The following NCKAP5 variants were observed in gnomAD, a reference collection of about 807,000 sequenced individuals.
NCKAP5 encodes the protein nck-associated protein 5.
Under a neutral mutation model 167.0 loss-of-function variants are expected in NCKAP5, and 92 were observed. The observed-to-expected ratio is 0.55, with a 90% CI of 0.47 to 0.66. The LOEUF (loss-of-function observed/expected upper bound fraction) is 0.66. NCKAP5 is among the 30% of genes least tolerant of loss of function. The pLI is 0.00. For missense variants in NCKAP5, 2,378 were observed against 2,315.0 expected (o/e 1.03, Z -0.56); for synonymous variants, 891 against 877.4 (o/e 1.02, Z -0.27).
chr2:133,594,775 T>C, the NCKAP5 span, among the ~76,000 whole-genome samples: 1 of 152,172 alleles, frequency 6.6e-6, no homozygotes, highest in Non-Finnish European at 1.5e-5. Flanking sequence ...AAAAACAATA[T>C]AGTTACTTTA....
intron 5 of NCKAP5, among the ~76,000 whole-genome samples, chr2:133,174,889 C>T (rs1044481187): frequency 6.6e-6 from 1 of 152,012 alleles, no homozygotes; most frequent in South Asian, 2.1e-4. Flanking sequence ...GAGGGTAGAT[C>T]CCTAAACCGA....
At chr2:133,582,987 C>A in the NCKAP5 span, among the ~76,000 whole-genome samples, 28 of 152,290 alleles carry the variant, frequency 1.8e-4, no homozygotes, top group Non-Finnish European at 2.1e-4. Flanking sequence ...CATGTTGACC[C>A]AGGCATCTTT....
At chr2:133,622,949 A>G in the NCKAP5 span, among the ~76,000 whole-genome samples, 1 of 151,504 alleles carries the variant, frequency 6.6e-6, no homozygotes, top group Non-Finnish European at 1.5e-5. Flanking sequence ...GTATAAAAAT[A>G]GGCACATAGA....
intron 5 of NCKAP5, among the ~76,000 whole-genome samples, chr2:133,206,227 A>T (rs1335462505): frequency 1.3e-5 from 2 of 152,206 alleles, no homozygotes; most frequent in Non-Finnish European, 2.9e-5. Context: ...TTTTTTAAAA[A>T]AATTATAAAC....
rs1170247644 is a variant in NCKAP5, at chr2:132,765,308, CTT to C, written c.5128+8506_5128+8507del. Among the ~76,000 whole-genome samples the C allele has an allele frequency of 5.4e-3, 614 of 114,276 alleles. 1 individual carries two copies. The highest frequency in any genetic ancestry group is 0.019 in the African/African-American group (560 of 28,994). 75.0% of individuals were successfully genotyped at this position (114,276 alleles called of 152,430 possible). A position where few individuals can be genotyped will look rare whatever the true frequency, so the allele number is the denominator to read the frequency against. On this transcript the variant is annotated intron_variant, in intron 16 of 19. Coordinates refer to ENST00000409261, the MANE Select transcript of NCKAP5 (RefSeq NM_207363.3). ...TGTTTTCCTATGGATTTCTTTCTTT[CTT>C]TTTTTTTTTTTTTTTTTTTGAGACG... is the stretch of plus-strand genomic sequence containing the variant.
chr2:132,679,912 G>C (rs1251119970), intron 19 of NCKAP5, among the ~76,000 whole-genome samples: 1 of 152,102 alleles, frequency 6.6e-6, no homozygotes, highest in East Asian at 1.9e-4. Flanking sequence ...TATTTGCGAA[G>C]GGCAGGCCAA....
At chr2:133,218,124 T>G (rs1333499717) in intron 4 of NCKAP5, among the ~76,000 whole-genome samples, 3 of 152,134 alleles carry the variant, frequency 2.0e-5, no homozygotes, top group African/African-American at 4.8e-5. Flanking sequence ...TCTATTGATA[T>G]TTATGACATA....
chr2:132,887,848 C>T (rs1433173996), intron 8 of NCKAP5, among the ~76,000 whole-genome samples: 1 of 152,106 alleles, frequency 6.6e-6, no homozygotes, highest in Non-Finnish European at 1.5e-5. Flanking sequence ...TAAGGTATTG[C>T]TATGTTGTCC....
chr2:133,174,936 A>G (rs1268630075), intron 5 of NCKAP5, among the ~76,000 whole-genome samples: 2 of 152,244 alleles, frequency 1.3e-5, no homozygotes, highest in African/African-American at 4.8e-5. Context: ...ATCTTGTTAG[A>G]TGTGACTAAA....
intron 8 of NCKAP5, among the ~76,000 whole-genome samples, chr2:132,901,176 A>G (rs960756329): frequency 6.6e-6 from 1 of 152,184 alleles, no homozygotes; most frequent in Non-Finnish European, 1.5e-5. Flanking sequence ...AAGTGGTAGA[A>G]TCTGTGCCCA....
At chr2:133,388,509 G>A (rs1294809054) in intron 3 of NCKAP5, among the ~76,000 whole-genome samples, 2 of 152,224 alleles carry the variant, frequency 1.3e-5, no homozygotes, top group Admixed American at 1.3e-4. Context: ...GAGGCAGTCT[G>A]TCCGTTCTCA....
chr2:133,560,551 T>C (rs1688080164), intron 1 of NCKAP5, among the ~76,000 whole-genome samples: 1 of 152,054 alleles, frequency 6.6e-6, no homozygotes. Flanking sequence ...GAGGATAGAG[T>C]GGGGAGAAGA....
chr2:133,080,394 C>T (rs1215243282), intron 6 of NCKAP5, among the ~76,000 whole-genome samples: 3 of 152,038 alleles, frequency 2.0e-5, no homozygotes, highest in Non-Finnish European at 2.9e-5. Flanking sequence ...ATGGTATACT[C>T]GAGATGAGAG....
intron 5 of NCKAP5, among the ~76,000 whole-genome samples, chr2:133,163,150 G>T (rs532189765): frequency 6.6e-6 from 1 of 152,286 alleles, no homozygotes; most frequent in East Asian, 1.9e-4. Flanking sequence ...ACAGTACTTT[G>T]ACTACCTCCA....
chr2:132,877,302 A>G (rs2148804471), intron 9 of NCKAP5, among the ~76,000 whole-genome samples: 1 of 152,360 alleles, frequency 6.6e-6, no homozygotes, highest in East Asian at 1.9e-4. Context: ...TTGCTTGAGT[A>G]ACCAGTGTAT....
chr2:132,992,651 A>G (rs1484782538), intron 7 of NCKAP5, among the ~76,000 whole-genome samples: 1 of 152,202 alleles, frequency 6.6e-6, no homozygotes, highest in African/African-American at 2.4e-5. Context: ...TATAATATCT[A>G]TGAAGAATTC....
At chr2:133,031,683 C>A (rs2078885884) in intron 6 of NCKAP5, among the ~76,000 whole-genome samples, 1 of 152,094 alleles carries the variant, frequency 6.6e-6, no homozygotes, top group Non-Finnish European at 1.5e-5. Flanking sequence ...AGCTGCACAG[C>A]TCACAGCTAC....
In NCKAP5 at chr2:132,937,193, G is replaced by T. The variant is rs368420847; in HGVS notation, c.579+26527C>A. On this transcript the variant is annotated intron_variant, in intron 8 of 19. Coordinates refer to ENST00000409261, the MANE Select transcript of NCKAP5 (RefSeq NM_207363.3). ...CTTCTTGCAGGTAGGAAAATGTGGG[G>T]ACAGAGAGGCTGCCCAAAGAGACAC... Among the ~76,000 whole-genome samples, 28 of 152,270 alleles carry T rather than the reference G, an allele frequency of 1.8e-4. No homozygotes were observed. In the East Asian group the frequency reaches 2.5e-3, roughly 14 times the overall value.
chr2:132,939,294 C>T (rs960999095), intron 8 of NCKAP5, among the ~76,000 whole-genome samples: 3 of 152,182 alleles, frequency 2.0e-5, no homozygotes, highest in Non-Finnish European at 2.9e-5. Context: ...TTCTACAGAA[C>T]AGATAACTAC....
Sources: allele counts gnomAD v4.1 joint callset (sites outside exome capture counted in the v4.1 genomes callset), GRCh38; gene constraint gnomAD v4.1.1; transcripts MANE v1.5; gene names NCBI Gene and HGNC (gene_info 2026-07-23, HGNC 2026-07-21).